The following PDE1C variants were observed in gnomAD, a reference collection of about 807,000 sequenced individuals.
The protein encoded by PDE1C is phosphodiesterase 1C, also known as dual specificity calcium/calmodulin-dependent 3',5'-cyclic nucleotide phosphodiesterase 1C.
PDE1C carries 62 observed loss-of-function variants against 93.1 expected under a neutral mutation model. The ratio of observed to expected loss-of-function variants is 0.67; its 90% CI spans 0.54 to 0.82. The LOEUF is 0.82. PDE1C is among the 40% of genes least tolerant of loss of function. PDE1C has a pLI of 0.00. For synonymous variants in PDE1C, 325 were observed against 310.1 expected (o/e 1.05, Z -0.50); for missense variants, 742 against 884.6 (o/e 0.84, Z 2.04).
chr7:31,883,726 A>C (rs953806719), intron 2 of PDE1C, among the ~76,000 whole-genome samples: 39 of 152,222 alleles, frequency 2.6e-4, no homozygotes, highest in African/African-American at 9.2e-4. Context: ...CAGGGCCAGA[A>C]GAGGAGTGGG....
At chr7:31,965,283 A>T (rs143959996) in intron 2 of PDE1C, among the ~76,000 whole-genome samples, 6,074 of 152,312 alleles carry the variant, frequency 0.04, 133 homozygotes, top group South Asian at 0.091. Flanking sequence ...GGAGCTGAAA[A>T]CTATGGCACG....
At position 32,172,561 on chromosome 7, in the gene PDE1C, G is replaced by A. The variant is rs144114326; in HGVS notation, c.137-2605C>T. Among the ~76,000 whole-genome samples the A allele has an allele frequency of 6.5e-3, 983 of 152,168 alleles. 9 individuals carry two copies. The highest frequency in any genetic ancestry group is 0.023 in the African/African-American group (941 of 41,520). ...GAAGCAGTCAGGCATGGTGGCTCAC[G>A]CCTGTAATCCCACCACCTTGGGAGG... is the stretch of plus-strand genomic sequence containing the variant. On this transcript the variant is annotated intron_variant, in intron 2 of 18. Coordinates refer to the PDE1C transcript ENST00000396193.
At chr7:31,940,947 C>T (rs894009693) in intron 2 of PDE1C, among the ~76,000 whole-genome samples, 12 of 151,930 alleles carry the variant, frequency 7.9e-5, no homozygotes, top group Non-Finnish European at 1.6e-4. Context: ...AAGTGTACAC[C>T]TTCCAACTCA....
chr7:32,280,855 C>T (rs1446714712), intron 1 of PDE1C, among the ~76,000 whole-genome samples: 3 of 152,238 alleles, frequency 2.0e-5, no homozygotes, highest in African/African-American at 4.8e-5. Flanking sequence ...TGTGGTGGTA[C>T]ACACCTATAG....
intron 1 of PDE1C, among the ~76,000 whole-genome samples, chr7:32,242,885 C>A (rs949312736): frequency 2.6e-5 from 4 of 152,092 alleles, no homozygotes; most frequent in Non-Finnish European, 5.9e-5. Context: ...GGGATTTTGT[C>A]TATGAGAGAA....
intron 3 of PDE1C, among the ~76,000 whole-genome samples, chr7:32,152,601 T>G (rs1801326324): frequency 1.3e-5 from 2 of 152,206 alleles, no homozygotes. Flanking sequence ...CAAGTGGAGA[T>G]GCCCTTCGAC....
At chr7:31,869,597 A>G (rs1200774902) in intron 6 of PDE1C, among the ~76,000 whole-genome samples, 3 of 152,088 alleles carry the variant, frequency 2.0e-5, no homozygotes, top group Non-Finnish European at 4.4e-5. Context: ...ACACACACCC[A>G]AAAGTGAAGC....
the PDE1C span, among the ~76,000 whole-genome samples, chr7:31,681,370 CGGATGGATGGATGGATGGAT>C: frequency 0.012 from 609 of 52,682 alleles, 3 homozygotes; most frequent in Non-Finnish European, 0.02. Context: ...GATGGATGGA[CGGATGGATGGATGGATGGAT>C]GGATGGATGG....
At chr7:31,934,430 C>G (rs1804742637) in intron 2 of PDE1C, among the ~76,000 whole-genome samples, 1 of 152,072 alleles carries the variant, frequency 6.6e-6, no homozygotes, top group South Asian at 2.1e-4. Context: ...CCTTGTCATT[C>G]ATTCCAGTGG....
At chr7:31,662,661 A>C in the PDE1C span, among the ~76,000 whole-genome samples, 1 of 152,104 alleles carries the variant, frequency 6.6e-6, no homozygotes, top group East Asian at 1.9e-4. Context: ...TTGTCCTGTA[A>C]ATGTGTAAAT....
intron 9 of PDE1C, among the ~76,000 whole-genome samples, chr7:31,846,223 C>CTTTTT (rs200755773): frequency 7.0e-6 from 1 of 142,348 alleles, no homozygotes; most frequent in Non-Finnish European, 1.5e-5. Context: ...TTTTACTTTT[C>CTTTTT]TTTTTTTTTC....
chr7:32,107,631 A>G (rs1460416426), intron 3 of PDE1C, among the ~76,000 whole-genome samples: 1 of 152,208 alleles, frequency 6.6e-6, no homozygotes, highest in African/African-American at 2.4e-5. Flanking sequence ...TCACCAGTAG[A>G]CCTACCTTGC....
intron 3 of PDE1C, among the ~76,000 whole-genome samples, chr7:32,088,363 G>T (rs1471288170): frequency 6.6e-6 from 1 of 152,232 alleles, no homozygotes; most frequent in East Asian, 1.9e-4. Flanking sequence ...TTGAAGGCAT[G>T]ATTCTGGGCA....
At chr7:31,812,318 T>C (rs1289482008) in intron 15 of PDE1C, among the ~76,000 whole-genome samples, 1 of 152,128 alleles carries the variant, frequency 6.6e-6, no homozygotes, top group Non-Finnish European at 1.5e-5. Context: ...CTTAACCAAC[T>C]TCAAAATGAA....
intron 2 of PDE1C, 49 bp downstream of exon 2, chr7:32,051,505 C>A (rs1483995963): frequency 6.3e-7 from 1 of 1,593,258 alleles, no homozygotes; most frequent in Non-Finnish European, 8.6e-7. Context: ...TTGTGAAGAG[C>A]TGGGCCACAA....
chr7:32,184,132 A>G (rs1428272467), intron 2 of PDE1C, among the ~76,000 whole-genome samples: 1 of 152,210 alleles, frequency 6.6e-6, no homozygotes, highest in African/African-American at 2.4e-5. Flanking sequence ...GGCGATCATT[A>G]AAAAGTCAGG....
intron 2 of PDE1C, among the ~76,000 whole-genome samples, chr7:32,016,328 C>A (rs1268069746): frequency 6.6e-6 from 1 of 152,190 alleles, no homozygotes; most frequent in Non-Finnish European, 1.5e-5. Context: ...AAGCCAAGAA[C>A]CTTCCCAGCT....
rs553914892 is a variant in PDE1C at position 32,401,439 on chromosome 7, AG to A, written c.310+26382del. ...GTAATCCCAACTACTCGGGAGGCTG[AG>A]GCAGGAGAATCACTTTAACCCAGGA... On this transcript the variant is annotated intron_variant, in intron 1 of 1. Transcript: ENST00000672256. 3.6e-3 allele frequency among the ~76,000 whole-genome samples: 548 copies of A among 152,120 alleles called. 4 individuals carry two copies. The highest frequency in any genetic ancestry group is 0.013 in the African/African-American group (528 of 41,492).
At chr7:32,263,518 T>C (rs574588520) in intron 1 of PDE1C, among the ~76,000 whole-genome samples, 1 of 152,312 alleles carries the variant, frequency 6.6e-6, no homozygotes, top group Non-Finnish European at 1.5e-5. Context: ...CATACTACAA[T>C]TATCAACCTC....
Sources: allele counts gnomAD v4.1 joint callset (sites outside exome capture counted in the v4.1 genomes callset), GRCh38; gene constraint gnomAD v4.1.1; transcripts MANE v1.5; gene names NCBI Gene and HGNC (gene_info 2026-07-23, HGNC 2026-07-21).